Variants in DENND1B observed in about 807,000 individuals in gnomAD.
DENND1B encodes DENN domain containing 1B.
Under a neutral mutation model 90.1 loss-of-function variants are expected in DENND1B, and 59 were observed. The observed-to-expected ratio is 0.65, with a 90% confidence interval of 0.53 to 0.81. The LOEUF (loss-of-function observed/expected upper bound fraction) is 0.81, where lower values mean the gene tolerates loss of function less well. Among genes scored for constraint, DENND1B ranks in the 40% least tolerant of loss-of-function variants. The pLI is 0.00. For missense variants in DENND1B, 862 were observed against 912.6 expected (o/e 0.94, Z 0.71); for synonymous variants, 337 against 324.6 (o/e 1.04, Z -0.41).
chr1:197,574,138 A>C (rs1673431935), intron 15 of DENND1B, among the ~76,000 whole-genome samples: 1 of 152,194 alleles, frequency 6.6e-6, no homozygotes, highest in African/African-American at 2.4e-5. Flanking sequence ...TTAGGAAAAG[A>C]GGAAGTCAAA....
intron 15 of DENND1B, among the ~76,000 whole-genome samples, chr1:197,571,645 T>C (rs1411517417): frequency 1.3e-5 from 2 of 152,202 alleles, no homozygotes; most frequent in African/African-American, 4.8e-5. Context: ...TGTTAACCCA[T>C]TTCCTTCACT....
At chr1:197,671,598 A>C (rs1023155568) in intron 5 of DENND1B, among the ~76,000 whole-genome samples, 16 of 152,186 alleles carry the variant, frequency 1.1e-4, no homozygotes, top group African/African-American at 3.6e-4. Context: ...TAAAACACCC[A>C]GTAGCCAAAC....
intron 20 of DENND1B, among the ~76,000 whole-genome samples, chr1:197,518,980 A>G (rs1668586560): frequency 6.6e-6 from 1 of 151,882 alleles, no homozygotes; most frequent in Non-Finnish European, 1.5e-5. Context: ...CATAGGTTCT[A>G]TTTTTATAGC....
At position 197,713,748 on chromosome 1, in the gene DENND1B, TAA is replaced by T. The variant is rs1195647689; in HGVS notation, c.126+1281_126+1282del. ...TTAGAGTATAATAAAAAAAAAAAAT[TAA>T]AAAAAAAATAATTATATTATATTAT... On this transcript the variant is annotated intron_variant, in intron 3 of 22. Transcript: ENST00000620048. 1.8e-3 allele frequency among the ~76,000 whole-genome samples: 137 copies of T among 74,828 alleles called. 1 individual carries two copies. The highest frequency in any genetic ancestry group is 6.0e-3 in the African/African-American group (130 of 21,650). 49.1% of individuals were successfully genotyped at this position (74,828 alleles called of 152,430 possible).
chr1:197,730,956 G>T (rs1375746137), intron 2 of DENND1B, among the ~76,000 whole-genome samples: 1 of 151,986 alleles, frequency 6.6e-6, no homozygotes, highest in Admixed American at 6.6e-5. Flanking sequence ...TCAGAATAGG[G>T]TTGATCACTT....
At chr1:197,619,561 G>A (rs1222881454) in intron 10 of DENND1B, among the ~76,000 whole-genome samples, 1 of 150,928 alleles carries the variant, frequency 6.6e-6, no homozygotes, top group African/African-American at 2.4e-5. Flanking sequence ...TTTTGTTACT[G>A]AGCAAATAAA....
chr1:197,548,123 G>A (rs2125674903), intron 16 of DENND1B, among the ~76,000 whole-genome samples: 1 of 152,292 alleles, frequency 6.6e-6, no homozygotes, highest in South Asian at 2.1e-4. Context: ...AACTAGCTAT[G>A]ATAAAAGTTT....
At chr1:197,700,560 C>T (rs1404679691) in intron 3 of DENND1B, among the ~76,000 whole-genome samples, 2 of 152,022 alleles carry the variant, frequency 1.3e-5, no homozygotes, top group East Asian at 3.9e-4. Context: ...TGGGCAAAGA[C>T]TTCATGACAA....
intron 12 of DENND1B, among the ~76,000 whole-genome samples, chr1:197,607,747 G>A (rs769203507): frequency 2.0e-5 from 3 of 150,622 alleles, no homozygotes; most frequent in Non-Finnish European, 4.5e-5. Context: ...TCAACAGAAG[G>A]TACCAAATTT....
chr1:197,714,924 T>C (rs1660494032), intron 3 of DENND1B, 107 bp downstream of exon 3: 1 of 794,538 alleles, frequency 1.3e-6, no homozygotes, highest in Non-Finnish European at 2.1e-6. Context: ...AAAATAATTT[T>C]AGCAATCCAT....
intron 3 of DENND1B, among the ~76,000 whole-genome samples, chr1:197,704,128 C>T (rs1424624102): frequency 1.3e-5 from 2 of 152,212 alleles, no homozygotes; most frequent in African/African-American, 4.8e-5. Context: ...GCCTGTAGTC[C>T]TAGCCACTTT....
Position 197,634,643 on chromosome 1 carries a change from G to A in DENND1B, c.672+8068C>T, listed in dbSNP as rs548712814. Among the ~76,000 whole-genome samples, 5 of 152,206 alleles carry A rather than the reference G, an allele frequency of 3.3e-5. No individual in the cohort carries two copies. The East Asian group carries it at 9.6e-4, about 29-fold the overall frequency. ...ATAGACTTTTAAAAAAAATTATCTA[G>A]TAGAAAATAGCTAAACACAAATCTT... On this transcript the variant is annotated intron_variant, in intron 10 of 22. Transcript: ENST00000620048.
intron 3 of DENND1B, among the ~76,000 whole-genome samples, chr1:197,696,017 G>A (rs1658397107): frequency 6.6e-6 from 1 of 151,088 alleles, no homozygotes; most frequent in Non-Finnish European, 1.5e-5. Context: ...AAACTATGCA[G>A]ACCTTAACTC....
chr1:197,565,184 A>C (rs1672521415), intron 15 of DENND1B, among the ~76,000 whole-genome samples: 1 of 152,086 alleles, frequency 6.6e-6, no homozygotes, highest in African/African-American at 2.4e-5. Flanking sequence ...AATAATAGGA[A>C]AATGTAGAAA....
rs534484987 is a variant in DENND1B, at chr1:197,556,190, G to A, written c.1150-3078C>T. Among the ~76,000 whole-genome samples, 6 of 152,074 alleles carry A rather than the reference G, an allele frequency of 3.9e-5. No individual in the cohort carries two copies. The South Asian group carries it at 1.2e-3, about 32-fold the overall frequency. ...ACAAAGATGGGAACTATAAACACTG[G>A]AGAGTCCAAATTGTGGGGAAAGGTG... On this transcript the variant is annotated intron_variant, in intron 15 of 22. Transcript: ENST00000620048.
At chr1:197,680,459 A>C (rs906538606) in intron 3 of DENND1B, among the ~76,000 whole-genome samples, 1 of 152,176 alleles carries the variant, frequency 6.6e-6, no homozygotes, top group Non-Finnish European at 1.5e-5. Context: ...GATAAGTAGG[A>C]AAATGCTTCA....
chr1:197,748,651 G>A (rs901045124), intron 2 of DENND1B, among the ~76,000 whole-genome samples: 1 of 152,188 alleles, frequency 6.6e-6, no homozygotes, highest in Admixed American at 6.5e-5. Context: ...AAGAGCCAAG[G>A]AAGGCAGGCA....
intron 3 of DENND1B, among the ~76,000 whole-genome samples, chr1:197,701,919 A>G (rs1374796408): frequency 6.6e-6 from 1 of 152,140 alleles, no homozygotes; most frequent in Admixed American, 6.5e-5. Flanking sequence ...CTACATATCT[A>G]TTCACTCTGT....
At chr1:197,567,002 G>T (rs1012763865) in intron 15 of DENND1B, among the ~76,000 whole-genome samples, 40 of 151,958 alleles carry the variant, frequency 2.6e-4, no homozygotes, top group Admixed American at 2.6e-3. Flanking sequence ...CAGAAATAGT[G>T]ACAGTAAATA....
Sources: allele counts gnomAD v4.1 joint callset (sites outside exome capture counted in the v4.1 genomes callset), GRCh38; gene constraint gnomAD v4.1.1; transcripts MANE v1.5; gene names NCBI Gene and HGNC (gene_info 2026-07-23, HGNC 2026-07-21).